The following RSU1 variants were observed in gnomAD, a reference collection of about 807,000 sequenced individuals.
RSU1 encodes the protein Ras suppressor protein 1.
In RSU1, 26 loss-of-function variants were observed where a neutral mutation model predicts 31.1. That is an observed-to-expected ratio of 0.84 (90% CI 0.61 to 1.16). RSU1 has a LOEUF of 1.16. Ranked by LOEUF, RSU1 falls within the 50% of genes most tolerant of loss-of-function variation. The probability of loss-of-function intolerance (pLI) is 0.00; values close to 1 mark genes in which losing one functional copy is unlikely to be tolerated. For missense variants in RSU1, 320 were observed against 339.1 expected, an observed-to-expected ratio of 0.94 and a Z score of 0.44; for synonymous variants, 164 against 136.3, an observed-to-expected ratio of 1.20 and a Z score of -1.41.
chr10:16,775,809 CATCTTTTA>C (rs1296229044), intron 3 of RSU1, among the ~76,000 whole-genome samples: 1 of 152,104 alleles, frequency 6.6e-6, no homozygotes, highest in Admixed American at 6.5e-5. Flanking sequence ...TTTTAACTCT[CATCTTTTA>C]ATGATGGCAG....
chr10:16,724,098 G>A (rs1046833315), intron 7 of RSU1, among the ~76,000 whole-genome samples: 10 of 151,990 alleles, frequency 6.6e-5, no homozygotes, highest in Admixed American at 2.0e-4. Context: ...CTGCCACCAT[G>A]TCCAGCTAAT....
intron 7 of RSU1, among the ~76,000 whole-genome samples, chr10:16,725,064 AGT>A (rs1236484542): frequency 6.6e-5 from 10 of 152,234 alleles, no homozygotes; most frequent in African/African-American, 2.2e-4. Context: ...CTGAAACTCC[AGT>A]GGTGTTCTAT....
chr10:16,694,964 G>A (rs1041610226), intron 8 of RSU1, 59 bp downstream of exon 8: 39 of 1,461,730 alleles, frequency 2.7e-5, no homozygotes, highest in East Asian at 2.5e-4. Context: ...TTTTAAAGGC[G>A]TAATTATAAA....
At chr10:16,632,643 G>A (rs560659129) in intron 8 of RSU1, among the ~76,000 whole-genome samples, 4 of 152,238 alleles carry the variant, frequency 2.6e-5, no homozygotes, top group African/African-American at 9.6e-5. Flanking sequence ...TCTTCTGTAA[G>A]AACCCTAAAG....
intron 7 of RSU1, among the ~76,000 whole-genome samples, chr10:16,705,019 T>A (rs1269298300): frequency 1.3e-5 from 2 of 152,174 alleles, no homozygotes; most frequent in African/African-American, 4.8e-5. Context: ...CATGCAACAA[T>A]AACTCCCCAT....
intron 2 of RSU1, among the ~76,000 whole-genome samples, chr10:16,786,677 C>A (rs535425481): frequency 6.6e-6 from 1 of 152,110 alleles, no homozygotes; most frequent in Non-Finnish European, 1.5e-5. Flanking sequence ...CCCAATCTAC[C>A]CAATTCCAAT....
intron 8 of RSU1, among the ~76,000 whole-genome samples, chr10:16,661,474 T>A (rs139404450): frequency 2.0e-5 from 3 of 152,210 alleles, no homozygotes; most frequent in South Asian, 2.1e-4. Context: ...CTACATTTTT[T>A]AAATGTAGTT....
intron 7 of RSU1, among the ~76,000 whole-genome samples, chr10:16,736,634 CCAAAAAA>C (rs2131605738): frequency 1.3e-5 from 2 of 151,594 alleles, no homozygotes; most frequent in South Asian, 4.2e-4. Flanking sequence ...AAACCAAAAA[CCAAAAAA>C]CAAAAAAACC....
intron 8 of RSU1, among the ~76,000 whole-genome samples, chr10:16,686,416 T>A (rs2131553952): frequency 1.3e-5 from 2 of 152,242 alleles, no homozygotes; most frequent in South Asian, 4.1e-4. Context: ...TTCAGTGAGG[T>A]CAATATCCAA....
chr10:16,695,283 G>T, intron 7 of RSU1, 128 bp from the exon 8 acceptor site: 1 of 873,212 alleles, frequency 1.1e-6, no homozygotes, highest in Non-Finnish European at 1.7e-6. Context: ...ATCATTTGAT[G>T]TCTTTTAAAT....
At chr10:16,799,019 A>G (rs1838095648) in intron 2 of RSU1, among the ~76,000 whole-genome samples, 1 of 152,206 alleles carries the variant, frequency 6.6e-6, no homozygotes, top group African/African-American at 2.4e-5. Flanking sequence ...GCTTCAGACA[A>G]TCAAAATAAC....
chr10:16,632,989 C>T (rs1834279039), intron 8 of RSU1, among the ~76,000 whole-genome samples: 1 of 152,090 alleles, frequency 6.6e-6, no homozygotes, highest in African/African-American at 2.4e-5. Flanking sequence ...TGCAGATGGT[C>T]CTACTGGTTG....
intron 8 of RSU1, among the ~76,000 whole-genome samples, chr10:16,675,640 G>A (rs776381999): frequency 6.6e-6 from 1 of 152,186 alleles, no homozygotes; most frequent in Non-Finnish European, 1.5e-5. Context: ...AGTACATATG[G>A]CTTGGCAAAG....
At chr10:16,796,396 C>A (rs1838033376) in intron 2 of RSU1, among the ~76,000 whole-genome samples, 1 of 152,146 alleles carries the variant, frequency 6.6e-6, no homozygotes, top group African/African-American at 2.4e-5. Flanking sequence ...TTCTCCCAGT[C>A]CTGCTCCAGT....
At chr10:16,774,136 A>G (rs576558497) in intron 3 of RSU1, among the ~76,000 whole-genome samples, 3 of 152,204 alleles carry the variant, frequency 2.0e-5, no homozygotes, top group African/African-American at 7.2e-5. Flanking sequence ...ATATGCCCAC[A>G]CACGTTCTGT....
chr10:16,738,168 C>T (rs564419181), intron 7 of RSU1, among the ~76,000 whole-genome samples: 13 of 152,196 alleles, frequency 8.5e-5, no homozygotes, highest in Admixed American at 6.5e-5. Flanking sequence ...AAGAAGAGGC[C>T]GGGCACGGTG....
rs75354829 is a variant in RSU1 at position 16,652,416 on chromosome 10, G to A, written c.731+42607C>T. 4.8e-3 allele frequency among the ~76,000 whole-genome samples: 535 copies of A among 112,254 alleles called. 6 individuals carry two copies. The highest frequency in any genetic ancestry group is 0.016 in the African/African-American group (505 of 31,204). 73.6% of individuals were successfully genotyped at this position (112,254 alleles called of 152,430 possible). On this transcript the variant is annotated intron_variant, in intron 8 of 8. Transcript: ENST00000345264. The stretch of plus-strand genomic sequence containing the variant: ...GCAAAAAAAAAAAAAAAAAAAACCC[G>A]AGAATCTGGAGAAATGAGCCATTCT...
chr10:16,755,827 A>C (rs555950097), intron 4 of RSU1, among the ~76,000 whole-genome samples: 45 of 152,266 alleles, frequency 3.0e-4, no homozygotes, highest in African/African-American at 1.1e-3. Context: ...TCCACATATA[A>C]GTGAGAAGGT....
chr10:16,766,101 A>G (rs1162438231), intron 3 of RSU1, among the ~76,000 whole-genome samples: 1 of 152,222 alleles, frequency 6.6e-6, no homozygotes, highest in African/African-American at 2.4e-5. Flanking sequence ...GTGAAAGGTA[A>G]AAGAGATGCT....
Sources: allele counts gnomAD v4.1 joint callset (sites outside exome capture counted in the v4.1 genomes callset), GRCh38; gene constraint gnomAD v4.1.1; transcripts MANE v1.5; gene names NCBI Gene and HGNC (gene_info 2026-07-23, HGNC 2026-07-21).